Variants in PON2 observed in about 807,000 individuals in gnomAD.
PON2 encodes paraoxonase 2, also known as serum paraoxonase/arylesterase 2.
In PON2, 27 loss-of-function variants were observed where a neutral mutation model predicts 36.6. That is an observed-to-expected ratio of 0.74 (90% CI 0.54 to 1.02). The LOEUF (loss-of-function observed/expected upper bound fraction) is 1.02. Among genes scored for constraint, PON2 ranks in the 50% least tolerant of loss-of-function variants. The pLI, the probability that PON2 is intolerant of heterozygous loss-of-function variation, is 0.00. For synonymous variants in PON2, 149 were observed against 156.3 expected (o/e 0.95, Z 0.35); for missense variants, 363 against 421.1 (o/e 0.86, Z 1.21).
intron 6 of PON2, 64 bp downstream of exon 6, chr7:95,409,837 A>C: frequency 6.9e-7 from 1 of 1,440,324 alleles, no homozygotes; most frequent in South Asian, 1.2e-5. Context: ...AAAGAAAGCA[A>C]AGTAAAGAAT....
intron 1 of PON2, among the ~76,000 whole-genome samples, chr7:95,428,014 C>T (rs1789355124): frequency 6.6e-6 from 1 of 152,190 alleles, no homozygotes; most frequent in South Asian, 2.1e-4. Context: ...CTATAACATG[C>T]TTATGACTGT....
intron 1 of PON2, among the ~76,000 whole-genome samples, chr7:95,430,926 G>C (rs1789425993): frequency 6.7e-6 from 1 of 149,530 alleles, no homozygotes; most frequent in Admixed American, 6.7e-5. Flanking sequence ...GAAAAAGGCT[G>C]CTCTTTCAGA....
rs148972466 is a variant in PON2 at position 95,431,870 on chromosome 7, C to T, written c.74+3008G>A. Reference sequence around the variant, plus strand: ...TAGTATAATTATGTCCCAAATTCCACGCTTAATGCTAAAAGTATGGTATAA... The same window carrying T: ...TAGTATAATTATGTCCCAAATTCCATGCTTAATGCTAAAAGTATGGTATAA... On this transcript the variant is annotated intron_variant, in intron 1 of 8. Transcript: ENST00000222572. 1.8e-3 allele frequency among the ~76,000 whole-genome samples: 267 copies of T among 150,472 alleles called. 1 individual carries two copies. Among genetic ancestry groups the T allele is most frequent in the Middle Eastern group, 3.4e-3 (1 of 292 alleles).
intron 2 of PON2, among the ~76,000 whole-genome samples, chr7:95,420,650 G>A (rs978673645): frequency 7.2e-5 from 11 of 152,180 alleles, no homozygotes; most frequent in East Asian, 1.9e-4. Context: ...ACTGAAGCAC[G>A]GTAGTGTGTG....
At position 95,411,676 on chromosome 7, in the gene PON2, T is replaced by C. The variant is rs373501020; in HGVS notation, c.471A>G (p.Thr157=). 1.1e-4 allele frequency: 180 copies of C among 1,613,908 alleles called. No individual in the cohort carries two copies. Among genetic ancestry groups the C allele is most frequent in the Non-Finnish European group, 1.5e-4 (176 of 1,179,942 alleles). ...ACCTTGGAAGAAGCTCATGTTTGAC[T>C]GTTTTCAGATGCAACAGAGAATTTT... ...EAENSLLHLK[T]VKHELLPSVN... The change falls in exon 5 of 9, where the codon ACA becomes ACG. Residue 157 remains threonine (T), a synonymous_variant. Transcript: ENST00000222572.
At chr7:95,421,962 G>C (rs1315607717) in intron 2 of PON2, among the ~76,000 whole-genome samples, 3 of 152,134 alleles carry the variant, frequency 2.0e-5, no homozygotes, top group Non-Finnish European at 4.4e-5. Flanking sequence ...GTTTATTACT[G>C]TTGCCAAATT....
chr7:95,424,815 T>TA lies in PON2; in HGVS notation c.75-231dup, dbSNP rs35852389. Among the ~76,000 whole-genome samples the TA allele has an allele frequency of 3.1e-4, 46 of 148,042 alleles. 1 individual carries two copies. Among genetic ancestry groups the TA allele is most frequent in the East Asian group, 1.6e-3 (8 of 5,036 alleles). On this transcript the variant is annotated intron_variant, in intron 1 of 8. Transcript: ENST00000222572. The stretch of plus-strand genomic sequence containing the variant: ...AGTTCTATATACTGATGTGGGTTAT[T>TA]AAAAAAAAAAAGCCAATAACTCAAC...
At chr7:95,427,411 G>A (rs1393528958) in intron 1 of PON2, among the ~76,000 whole-genome samples, 1 of 152,134 alleles carries the variant, frequency 6.6e-6, no homozygotes, top group Non-Finnish European at 1.5e-5. Flanking sequence ...AGACTCCGCT[G>A]TATTGAGGTG....
In PON2 at chr7:95,411,429, C is replaced by T. The variant is rs531126752; in HGVS notation, c.494+224G>A. ...ATTTCTCAAAGGAGTCCGCATAGAA[C>T]AGTGAATAGTATGAGTGACATCAAC... On this transcript the variant is annotated intron_variant, in intron 5 of 8. Coordinates refer to ENST00000222572, the MANE Select transcript of PON2 (RefSeq NM_000305.3). Among the ~76,000 whole-genome samples, 69 of 152,152 alleles carry T rather than the reference C, an allele frequency of 4.5e-4. 1 individual carries two copies. The highest frequency in any genetic ancestry group is 1.6e-3 in the African/African-American group (65 of 41,426).
At chr7:95,408,804 AT>A (rs1293180152) in intron 6 of PON2, among the ~76,000 whole-genome samples, 3 of 152,220 alleles carry the variant, frequency 2.0e-5, no homozygotes, top group Non-Finnish European at 4.4e-5. Context: ...GTGGTTGTGC[AT>A]ATAAAAATAA....
intron 1 of PON2, among the ~76,000 whole-genome samples, chr7:95,430,595 G>A (rs1342973101): frequency 2.6e-5 from 4 of 151,736 alleles, no homozygotes; most frequent in Non-Finnish European, 4.4e-5. Flanking sequence ...CACCGTGCCC[G>A]GCCATGTTTT....
At chr7:95,415,756 A>G (rs1171675566) in intron 3 of PON2, 2 of 181,398 alleles carry the variant, frequency 1.1e-5, no homozygotes, top group African/African-American at 2.4e-5. Flanking sequence ...GTTTGAGACC[A>G]GCCTGGCCAA....
chr7:95,412,579 T>C (rs1562786713), intron 3 of PON2, 102 bp from the exon 4 acceptor site: 1 of 1,284,626 alleles, frequency 7.8e-7, no homozygotes, highest in East Asian at 2.4e-5. Flanking sequence ...GTGGTTAAAG[T>C]AGTGGCATAA....
At chr7:95,420,109 G>A (rs938052439) in intron 2 of PON2, among the ~76,000 whole-genome samples, 4 of 149,816 alleles carry the variant, frequency 2.7e-5, no homozygotes, top group African/African-American at 7.3e-5. Context: ...ATCTGCTAGA[G>A]AAAGAAAAGA....
chr7:95,417,690 G>GACACACACAC lies in PON2; in HGVS notation c.146-1403_146-1394dup, dbSNP rs555142509. On this transcript the variant is annotated intron_variant, in intron 2 of 8. Coordinates refer to ENST00000222572, the MANE Select transcript of PON2 (RefSeq NM_000305.3). ...CACAGCACATACACATGTACACACA[G>GACACACACAC]ACACACACACACACACACACACACA... Among the ~76,000 whole-genome samples the GACACACACAC allele has an allele frequency of 3.5e-3, 330 of 93,876 alleles. 5 individuals are homozygous for GACACACACAC. The highest frequency in any genetic ancestry group is 0.011 in the African/African-American group (311 of 27,148). The allele number at this position is 93,876 out of a possible 152,430, so 61.6% of individuals were successfully genotyped here. A position where few individuals can be genotyped will look rare whatever the true frequency, so the allele number is the denominator to read the frequency against.
intron 2 of PON2, among the ~76,000 whole-genome samples, chr7:95,417,976 G>T (rs1011548500): frequency 6.6e-6 from 1 of 151,942 alleles, no homozygotes; most frequent in African/African-American, 2.4e-5. Context: ...TAAGGAAAGA[G>T]AAATCTTTTT....
At chr7:95,416,807 A>G (rs1789073583) in intron 2 of PON2, among the ~76,000 whole-genome samples, 1 of 152,224 alleles carries the variant, frequency 6.6e-6, no homozygotes, top group African/African-American at 2.4e-5. Context: ...AAGCAAAGAA[A>G]GCTTTTCTAT....
In PON2 at chr7:95,412,392, C is replaced by G. The variant is rs201552995; in HGVS notation, c.287G>C (p.Arg96Thr). 153 of 1,614,022 alleles carry G rather than the reference C, an allele frequency of 9.5e-5. No individual in the cohort carries two copies. The highest frequency in any genetic ancestry group is 3.0e-4 in the Admixed American group (18 of 59,988). Residue 96 changes from arginine (R) to threonine (T), a missense_variant, in exon 4 of 9, where the codon AGG (arginine) becomes ACG (threonine). Physicochemically the swap from Arg to Thr is moderately conservative, Grantham distance 71 (BLOSUM62 -1). Coordinates refer to ENST00000222572, the MANE Select transcript of PON2 (RefSeq NM_000305.3). Reference protein sequence around the residue: ...LMMDLKEEKPRARELRISRGF... With the variant: ...LMMDLKEEKPTARELRISRGF... ...ACGACTGATTCTTAATTCCCGTGCC[C>G]TTGGTTTTTCTTCTTTTAGATCCAT...
At chr7:95,426,796 C>G (rs1318839791) in intron 1 of PON2, among the ~76,000 whole-genome samples, 1 of 152,186 alleles carries the variant, frequency 6.6e-6, no homozygotes, top group African/African-American at 2.4e-5. Context: ...GTTTTAGTAT[C>G]ATGCATTGGT....
Sources: gnomAD v4.1 joint callset for allele counts (sites outside exome capture counted in the v4.1 genomes callset) on GRCh38, gnomAD v4.1.1 for gene constraint, MANE v1.5 for transcripts, NCBI Gene and HGNC (gene_info 2026-07-23, HGNC 2026-07-21) for gene names.